Variants in FOCAD observed in about 807,000 individuals in gnomAD.
FOCAD encodes focadhesin, also known as KIAA1797.
A neutral mutation model predicts 225.6 loss-of-function variants in FOCAD; 198 were observed. The ratio of observed to expected loss-of-function variants is 0.88; its 90% CI spans 0.78 to 0.99. The LOEUF is 0.99. FOCAD is among the 50% of genes least tolerant of loss of function. FOCAD has a pLI of 0.00. For synonymous variants in FOCAD, 897 were observed against 755.0 expected (o/e 1.19, Z -3.08); for missense variants, 2,713 against 2,123.6 (o/e 1.28, Z -5.46).
At chr9:20,755,015 T>C (rs1828922728) in intron 5 of FOCAD, among the ~76,000 whole-genome samples, 1 of 152,224 alleles carries the variant, frequency 6.6e-6, no homozygotes, top group Non-Finnish European at 1.5e-5. Context: ...ATTAAAATTG[T>C]GGCAGTTATA....
intron 10 of FOCAD, among the ~76,000 whole-genome samples, chr9:20,782,133 A>G (rs1819443403): frequency 1.3e-5 from 2 of 152,222 alleles, no homozygotes; most frequent in Non-Finnish European, 2.9e-5. Context: ...TGAAAATGCT[A>G]TATGATCTTT....
chr9:20,967,675 G>GT lies in FOCAD; in HGVS notation c.4133-8739dup, dbSNP rs139289338. ...ATCATGTTAACATAGTATTATGTGT[G>GT]TTTTTTATCGGAAAAGGGTGTTTGT... is the stretch of plus-strand genomic sequence containing the variant. On this transcript the variant is annotated intron_variant, in intron 35 of 43. Transcript: ENST00000338382. Among the ~76,000 whole-genome samples the GT allele has an allele frequency of 3.0e-3, 453 of 152,066 alleles. 4 individuals are homozygous for GT. Among genetic ancestry groups the GT allele is most frequent in the Non-Finnish European group, 4.4e-3 (298 of 67,954 alleles).
intron 32 of FOCAD, among the ~76,000 whole-genome samples, chr9:20,949,321 A>G (rs1344004913): frequency 6.6e-6 from 1 of 152,182 alleles, no homozygotes; most frequent in Non-Finnish European, 1.5e-5. Context: ...GGACATATAT[A>G]TGTGTAAGTT....
At chr9:20,717,964 C>A (rs1825473007) in intron 3 of FOCAD, 96 bp downstream of exon 3, 1 of 928,656 alleles carries the variant, frequency 1.1e-6, no homozygotes, top group African/African-American at 1.6e-5. Flanking sequence ...TAGTTCAGAT[C>A]ACAGTAGAAA....
At chr9:20,778,552 T>C in intron 8 of FOCAD, 129 bp from the exon 9 acceptor site, 1 of 570,276 alleles carries the variant, frequency 1.8e-6, no homozygotes, top group Non-Finnish European at 3.1e-6. Flanking sequence ...GCACACTTGC[T>C]GTATAAATAA....
At chr9:20,827,408 G>T (rs978533718) in intron 15 of FOCAD, among the ~76,000 whole-genome samples, 2 of 151,984 alleles carry the variant, frequency 1.3e-5, no homozygotes. Context: ...ATATTATTCT[G>T]TTTGGCTCTA....
chr9:20,758,197 G>A lies in FOCAD; in HGVS notation c.494+6G>A. On this transcript the variant is annotated splice_donor_region_variant and intron_variant, in intron 6 of 43. Transcript: ENST00000338382. Reference sequence around the variant, plus strand: ...TTCCAGCAGTGCCCTGAAAGGTAATGTAAAATAAAAGTGTAAAATAAAGTG... The same window carrying A: ...TTCCAGCAGTGCCCTGAAAGGTAATATAAAATAAAAGTGTAAAATAAAGTG... 1 of 1,603,732 alleles carries A rather than the reference G, an allele frequency of 6.2e-7. No individual in the cohort carries two copies. The highest frequency in any genetic ancestry group is 8.5e-7 in the Non-Finnish European group (1 of 1,173,590).
chr9:20,889,504 T>A (rs1338367870), intron 21 of FOCAD, among the ~76,000 whole-genome samples: 1 of 152,226 alleles, frequency 6.6e-6, no homozygotes, highest in Non-Finnish European at 1.5e-5. Context: ...TACCATCTTT[T>A]ATTCACTGAA....
intron 18 of FOCAD, among the ~76,000 whole-genome samples, chr9:20,870,257 T>C (rs1829645192): frequency 6.6e-6 from 1 of 152,232 alleles, no homozygotes; most frequent in Non-Finnish European, 1.5e-5. Context: ...TTGGCTTTGA[T>C]TTAAAGTGAA....
chr9:20,849,662 A>G (rs1240153990), intron 15 of FOCAD, among the ~76,000 whole-genome samples: 1 of 151,780 alleles, frequency 6.6e-6, no homozygotes, highest in Non-Finnish European at 1.5e-5. Context: ...TGGTTTACAA[A>G]CTCGTGTACA....
chr9:20,727,718 T>C (rs1251567205), intron 4 of FOCAD, among the ~76,000 whole-genome samples: 2 of 152,214 alleles, frequency 1.3e-5, no homozygotes, highest in African/African-American at 2.4e-5. Context: ...TGCTGATGAC[T>C]TACTATGCTT....
chr9:20,787,706 C>T (rs1292425451), intron 10 of FOCAD, among the ~76,000 whole-genome samples: 3 of 150,006 alleles, frequency 2.0e-5, no homozygotes, highest in African/African-American at 7.6e-5. Flanking sequence ...TTTTCACTCC[C>T]CAAAACAGAA....
intron 30 of FOCAD, 103 bp downstream of exon 30, chr9:20,946,923 T>G: frequency 7.1e-7 from 1 of 1,400,088 alleles, no homozygotes; most frequent in Non-Finnish European, 9.6e-7. Context: ...ATATTTTTCA[T>G]GTCTAGAACT....
At chr9:20,760,219 T>G (rs540904334) in intron 6 of FOCAD, among the ~76,000 whole-genome samples, 18 of 152,220 alleles carry the variant, frequency 1.2e-4, no homozygotes, top group Non-Finnish European at 2.4e-4. Flanking sequence ...AAACTGCACT[T>G]GCAGTGCATG....
chr9:20,890,299 T>A (rs1831501005), intron 21 of FOCAD, among the ~76,000 whole-genome samples: 1 of 152,116 alleles, frequency 6.6e-6, no homozygotes, highest in Non-Finnish European at 1.5e-5. Context: ...AATATGATGT[T>A]TATATACAGA....
chr9:20,711,584 A>G (rs919714223), intron 1 of FOCAD, among the ~76,000 whole-genome samples: 1 of 152,198 alleles, frequency 6.6e-6, no homozygotes, highest in Non-Finnish European at 1.5e-5. Context: ...AGGAATAGTA[A>G]CCTCTGAGGT....
intron 2 of FOCAD, chr9:20,658,836 T>C (rs890030905): frequency 2.0e-5 from 3 of 152,832 alleles, no homozygotes; most frequent in Admixed American, 1.3e-4. Flanking sequence ...GGTAGGTGAT[T>C]CTTATGGGTT....
chr9:20,881,102 G>T (rs1830632177), intron 19 of FOCAD, among the ~76,000 whole-genome samples: 1 of 152,180 alleles, frequency 6.6e-6, no homozygotes, highest in African/African-American at 2.4e-5. Context: ...TAAAATAATT[G>T]TCCTAATATT....
intron 20 of FOCAD, among the ~76,000 whole-genome samples, chr9:20,884,097 A>G (rs1447631937): frequency 6.6e-6 from 1 of 152,216 alleles, no homozygotes. Flanking sequence ...ATGAAGATTA[A>G]TATGTGCAAG....
Sources: gnomAD v4.1 joint callset for allele counts (sites outside exome capture counted in the v4.1 genomes callset) on GRCh38, gnomAD v4.1.1 for gene constraint, MANE v1.5 for transcripts, NCBI Gene and HGNC (gene_info 2026-07-23, HGNC 2026-07-21) for gene names.